CPNE2: variants seen among roughly 807,000 people sequenced by gnomAD.
The protein encoded by CPNE2 is copine 2, also known as copine-2.
In CPNE2, 42 loss-of-function variants were observed where a neutral mutation model predicts 69.7. That is an observed-to-expected ratio of 0.60 (90% CI 0.47 to 0.78). The LOEUF (loss-of-function observed/expected upper bound fraction) is 0.78, where lower values mean the gene tolerates loss of function less well. Ranked by LOEUF, CPNE2 falls within the 30% of genes least tolerant of loss-of-function variation. CPNE2 has a pLI of 0.00. For synonymous variants in CPNE2, 294 were observed against 289.8 expected, an observed-to-expected ratio of 1.01 and a Z score of -0.15; for missense variants, 587 against 732.0, an observed-to-expected ratio of 0.80 and a Z score of 2.29.
At chr16:57,108,675 G>T (rs1396857977) in intron 1 of CPNE2, among the ~76,000 whole-genome samples, 5 of 152,238 alleles carry the variant, frequency 3.3e-5, no homozygotes, top group Non-Finnish European at 7.3e-5. Context: ...GGACTTGTCT[G>T]CTGGGCCTGT....
chr16:57,121,576 C>T, intron 8 of CPNE2, 98 bp from the exon 9 acceptor site: 2 of 1,176,194 alleles, frequency 1.7e-6, no homozygotes, highest in Non-Finnish European at 2.5e-6. Context: ...CATGCTGCCC[C>T]CATTGTCAAG....
At chr16:57,100,949 C>G (rs564954361) in intron 1 of CPNE2, among the ~76,000 whole-genome samples, 251 of 152,290 alleles carry the variant, frequency 1.6e-3, no homozygotes, top group Non-Finnish European at 3.0e-3. Context: ...TTTTATGTGT[C>G]AGCTTGGCAA....
At chr16:57,139,888 A>C (rs1037706589) in intron 14 of CPNE2, among the ~76,000 whole-genome samples, 6 of 152,224 alleles carry the variant, frequency 3.9e-5, no homozygotes, top group Middle Eastern at 3.4e-3. Context: ...TACAGTGGGA[A>C]AACTAATAGG....
At position 57,098,148 on chromosome 16, in the gene CPNE2, A is replaced by G. The variant is rs971775060; in HGVS notation, c.-36+5358A>G. On this transcript the variant is annotated intron_variant, in intron 1 of 15. Transcript: ENST00000290776. ...CCTAAGAGCCAGAGCTTAGTGATTA[A>G]GCGGGCACTACAGAGAATGACCTCC... Among the ~76,000 whole-genome samples, 58 of 152,222 alleles carry G rather than the reference A, an allele frequency of 3.8e-4. 1 individual carries two copies. The Middle Eastern group carries it at 0.01, about 27-fold the overall frequency.
chr16:57,134,143 C>T (rs2069859357), intron 12 of CPNE2, among the ~76,000 whole-genome samples: 1 of 152,196 alleles, frequency 6.6e-6, no homozygotes, highest in South Asian at 2.1e-4. Context: ...CCGGGTCAGT[C>T]TCTGATGATC....
rs1319104171 is a variant in CPNE2 at position 57,137,277 on chromosome 16, G to A, written c.1297G>A (p.Ala433Thr). 1.9e-6 allele frequency: 3 copies of A among 1,614,002 alleles called. No individual in the cohort carries two copies. Among genetic ancestry groups the A allele is most frequent in the Admixed American group, 1.7e-5 (1 of 60,026 alleles). ...FAAQATQQRT[A>T]TQYFILLIIT... is the part of the protein sequence containing the mutation. The stretch of plus-strand genomic sequence containing the variant: ...GGCCCAGGCCACACAACAGCGGACG[G>A]CCACGGTGAGTAGGCAGCTGCAAGC... Residue 433 changes from alanine to threonine, a missense_variant, in exon 14 of 16, where the codon GCC (alanine) becomes ACC (threonine). Around this residue, in one of 5 missense-constraint regions of CPNE2, gnomAD observed 185 missense variants for 252.3 expected, o/e 0.73. Coordinates refer to ENST00000290776, the MANE Select transcript of CPNE2 (RefSeq NM_152727.6).
intron 10 of CPNE2, chr16:57,123,993 G>A (rs754487426): frequency 1.2e-4 from 20 of 172,158 alleles, no homozygotes; most frequent in South Asian, 6.4e-4. Flanking sequence ...AGGAGGTAAC[G>A]GAGGTCACCT....
At chr16:57,113,777 A>G (rs1442320822) in intron 3 of CPNE2, among the ~76,000 whole-genome samples, 2 of 152,236 alleles carry the variant, frequency 1.3e-5, no homozygotes, top group African/African-American at 4.8e-5. Flanking sequence ...AGACACCCAC[A>G]GTAGTCCCGC....
intron 1 of CPNE2, among the ~76,000 whole-genome samples, chr16:57,101,469 G>A (rs527617501): frequency 6.6e-6 from 1 of 152,188 alleles, no homozygotes; most frequent in East Asian, 1.9e-4. Flanking sequence ...TGAGGGTTCT[G>A]GTTAACAGAG....
At chr16:57,098,505 AG>A (rs2069592848) in intron 1 of CPNE2, among the ~76,000 whole-genome samples, 1 of 152,168 alleles carries the variant, frequency 6.6e-6, no homozygotes, top group African/African-American at 2.4e-5. Flanking sequence ...CACCAGAACC[AG>A]GATGCAGGAT....
At chr16:57,107,641 G>A (rs1477033274) in intron 1 of CPNE2, among the ~76,000 whole-genome samples, 1 of 152,178 alleles carries the variant, frequency 6.6e-6, no homozygotes, top group African/African-American at 2.4e-5. Flanking sequence ...CTTCTCCTTA[G>A]CTTGACAACC....
chr16:57,096,544 A>T (rs2069579139), intron 1 of CPNE2, among the ~76,000 whole-genome samples: 1 of 151,910 alleles, frequency 6.6e-6, no homozygotes, highest in South Asian at 2.1e-4. Flanking sequence ...TAAAAAATAA[A>T]CAAAATTAGC....
chr16:57,113,597 G>A (rs2069696229), intron 3 of CPNE2, 130 bp downstream of exon 3: 1 of 977,036 alleles, frequency 1.0e-6, no homozygotes, highest in Non-Finnish European at 1.5e-6. Context: ...TGCAGAGTGG[G>A]GAACAGTCTT....
chr16:57,113,502 C>T, intron 3 of CPNE2, 35 bp downstream of exon 3: 1 of 1,596,576 alleles, frequency 6.3e-7, no homozygotes. Context: ...AGCAGGGGCC[C>T]AAAGACCGGG....
At chr16:57,112,127 T>G (rs1200284158) in intron 2 of CPNE2, among the ~76,000 whole-genome samples, 1 of 152,222 alleles carries the variant, frequency 6.6e-6, no homozygotes, top group Non-Finnish European at 1.5e-5. Flanking sequence ...AGAGTTCCCA[T>G]GGATGTTGGC....
intron 2 of CPNE2, 159 bp from the exon 3 acceptor site, chr16:57,113,129 C>T (rs2069692141): frequency 1.5e-6 from 1 of 661,684 alleles, no homozygotes; most frequent in Non-Finnish European, 2.6e-6. Flanking sequence ...GCTTCAGTGT[C>T]CTTGTCTGTG....
chr16:57,125,328 C>T (rs556256570), intron 10 of CPNE2: 54 of 456,044 alleles, frequency 1.2e-4, no homozygotes, highest in South Asian at 6.0e-4. Context: ...CCCAGCTGAT[C>T]GGGGAGACGG....
At chr16:57,115,673 C>A (rs2069714063) in intron 4 of CPNE2, 123 bp downstream of exon 4, 5 of 626,784 alleles carry the variant, frequency 8.0e-6, no homozygotes, top group Non-Finnish European at 1.3e-5. Context: ...GCCCAACTTA[C>A]AACTTAGCAA....
At chr16:57,099,153 C>T (rs567598105) in intron 1 of CPNE2, among the ~76,000 whole-genome samples, 1 of 152,144 alleles carries the variant, frequency 6.6e-6, no homozygotes. Flanking sequence ...TGACTTCCAG[C>T]AGCATAGATT....
Sources: gnomAD v4.1 joint callset for allele counts (sites outside exome capture counted in the v4.1 genomes callset) on GRCh38, gnomAD v4.1.1 for gene constraint, gnomAD v4.1.1 regional missense constraint, MANE v1.5 for transcripts, NCBI Gene and HGNC (gene_info 2026-07-23, HGNC 2026-07-21) for gene names.